Variants in SCN8A observed in about 807,000 individuals in gnomAD.
The protein encoded by SCN8A is sodium channel protein type 8 subunit alpha.
In SCN8A, 30 loss-of-function variants were observed where a neutral mutation model predicts 184.1. That is an observed-to-expected ratio of 0.16 (90% confidence interval 0.12 to 0.22). The LOEUF (loss-of-function observed/expected upper bound fraction) is 0.22. SCN8A is among the 10% of genes least tolerant of loss of function. The pLI, the probability that SCN8A is intolerant of heterozygous loss-of-function variation, is 1.00. For missense variants in SCN8A, 1,057 were observed against 2,498.9 expected (o/e 0.42, Z 12.30); for synonymous variants, 852 against 907.0 (o/e 0.94, Z 1.09).
intron 1 of SCN8A, among the ~76,000 whole-genome samples, chr12:51,626,303 G>A (rs1940076879): frequency 6.6e-6 from 1 of 152,124 alleles, no homozygotes; most frequent in African/African-American, 2.4e-5. Flanking sequence ...TTTGGCTCTC[G>A]GGAGGTTTAA....
intron 11 of SCN8A, among the ~76,000 whole-genome samples, chr12:51,711,642 T>G (rs1483238697): frequency 1.3e-5 from 2 of 152,150 alleles, no homozygotes; most frequent in South Asian, 4.1e-4. Flanking sequence ...TAACAATGAA[T>G]GTGGCTTCAG....
chr12:51,770,925 C>T (rs976812762), intron 19 of SCN8A, among the ~76,000 whole-genome samples: 1 of 152,212 alleles, frequency 6.6e-6, no homozygotes, highest in Admixed American at 6.5e-5. Flanking sequence ...GCCTGGTTTA[C>T]CCCATCCTTA....
intron 1 of SCN8A, among the ~76,000 whole-genome samples, chr12:51,649,483 C>A (rs1180245657): frequency 6.6e-6 from 1 of 152,238 alleles, no homozygotes; most frequent in African/African-American, 2.4e-5. Flanking sequence ...GGCATCCCGG[C>A]ATTTCCTTAC....
intron 1 of SCN8A, among the ~76,000 whole-genome samples, chr12:51,597,163 G>A (rs1939365952): frequency 6.6e-6 from 1 of 152,184 alleles, no homozygotes; most frequent in East Asian, 1.9e-4. Flanking sequence ...GGTACTTTTA[G>A]TTTGGTGCTG....
chr12:51,783,405 C>T (rs1937985077), intron 21 of SCN8A, among the ~76,000 whole-genome samples: 1 of 152,096 alleles, frequency 6.6e-6, no homozygotes, highest in African/African-American at 2.4e-5. Flanking sequence ...AAACTGAACA[C>T]CATCCATGCA....
At chr12:51,636,151 C>A (rs569321127) in intron 1 of SCN8A, among the ~76,000 whole-genome samples, 1 of 152,140 alleles carries the variant, frequency 6.6e-6, no homozygotes, top group Non-Finnish European at 1.5e-5. Flanking sequence ...CCCGCCACCA[C>A]GCCTGGCTAA....
chr12:51,648,148 T>C (rs1168780740), intron 1 of SCN8A, among the ~76,000 whole-genome samples: 1 of 152,182 alleles, frequency 6.6e-6, no homozygotes, highest in Non-Finnish European at 1.5e-5. Context: ...ATTTTTTTCA[T>C]AACCTTTAGA....
intron 13 of SCN8A, among the ~76,000 whole-genome samples, chr12:51,747,089 A>ATGTGTGTGTGTGTGTGTGTGTGTG (rs60490453): frequency 3.7e-5 from 3 of 81,242 alleles, no homozygotes; most frequent in African/African-American, 1.2e-4. Context: ...CTCTGTGTGT[A>ATGTGTGTGTGTGTGTGTGTGTGTG]TGTGTGTGTG....
In SCN8A at chr12:51,786,677, A is replaced by T. The variant is rs796053215; in HGVS notation, c.4078A>T (p.Thr1360Ser). ...AAAGTACCACTACTGCTTTAATGAG[A>T]CTTCTGAAATCCGATTTGAAATTGA... ...AGKYHYCFNE[T>S]SEIRFEIEDV... Residue 1360 changes from threonine (T) to serine (S), a missense_variant, in exon 22 of 27, where the codon ACT (threonine) becomes TCT (serine). Coordinates refer to ENST00000627620, the MANE Select transcript of SCN8A (RefSeq NM_001330260.2). The T allele has an allele frequency of 4.3e-6, 7 of 1,614,022 alleles. No homozygotes were observed. Among genetic ancestry groups the T allele is most frequent in the Non-Finnish European group, 5.9e-6 (7 of 1,179,902 alleles).
At chr12:51,784,237 C>G (rs1274409377) in intron 21 of SCN8A, among the ~76,000 whole-genome samples, 1 of 152,094 alleles carries the variant, frequency 6.6e-6, no homozygotes, top group Admixed American at 6.6e-5. Context: ...ATGTTCAAAG[C>G]AAGGAAGAAT....
intron 1 of SCN8A, among the ~76,000 whole-genome samples, chr12:51,625,534 T>C (rs1940059745): frequency 1.3e-5 from 2 of 152,194 alleles, no homozygotes; most frequent in African/African-American, 4.8e-5. Flanking sequence ...AATAACTAGG[T>C]TGTGATTGCT....
rs948038633 is a variant in SCN8A, at chr12:51,812,289, CTGTGTTCTG to C, written c.*4862_*4870del. ...CAGTGGTTCCAGAAAAGGGACAGAA[CTGTGTTCTG>C]TCCCTAGCTTGACCGCTGGCTCGCT... On this transcript the variant is annotated 3_prime_UTR_variant, in exon 27 of 27. Coordinates refer to ENST00000627620, the MANE Select transcript of SCN8A (RefSeq NM_001330260.2). 1.3e-5 allele frequency: 2 copies of C among 153,932 alleles called. No individual in the cohort carries two copies. Among genetic ancestry groups the C allele is most frequent in the African/African-American group, 4.8e-5 (2 of 41,370 alleles). The allele number at this position is 153,932 out of a possible 1,614,324, so 9.5% of individuals were successfully genotyped here. A position where few individuals can be genotyped will look rare whatever the true frequency, so the allele number is the denominator to read the frequency against.
At chr12:51,711,874 A>G (rs1941883357) in intron 11 of SCN8A, among the ~76,000 whole-genome samples, 1 of 152,186 alleles carries the variant, frequency 6.6e-6, no homozygotes, top group South Asian at 2.1e-4. Context: ...ACCCATTCAT[A>G]TAGTGGTTTG....
chr12:51,698,668 A>C (rs555695406), intron 6 of SCN8A, among the ~76,000 whole-genome samples: 1 of 152,262 alleles, frequency 6.6e-6, no homozygotes, highest in Non-Finnish European at 1.5e-5. Context: ...CTTACATTTA[A>C]ACTTTAAATT....
At chr12:51,646,182 G>A (rs1029927716) in intron 1 of SCN8A, among the ~76,000 whole-genome samples, 1 of 151,976 alleles carries the variant, frequency 6.6e-6, no homozygotes, top group Non-Finnish European at 1.5e-5. Context: ...GTCACTCTTG[G>A]GACAGGTAGA....
At chr12:51,688,827 G>A in intron 5 of SCN8A, 178 bp from the exon 6 acceptor site, 1 of 1,613,830 alleles carries the variant, frequency 6.2e-7, no homozygotes, top group South Asian at 1.1e-5. Flanking sequence ...TGAGGGCTTT[G>A]AAAACTATTT....
At chr12:51,649,333 G>A (rs2138648287) in intron 1 of SCN8A, among the ~76,000 whole-genome samples, 1 of 152,278 alleles carries the variant, frequency 6.6e-6, no homozygotes, top group Middle Eastern at 3.4e-3. Flanking sequence ...TCTGGAGGAC[G>A]GTGGCCCTCT....
intron 3 of SCN8A, among the ~76,000 whole-genome samples, chr12:51,685,673 T>G (rs1057218085): frequency 3.6e-4 from 55 of 152,184 alleles, no homozygotes; most frequent in African/African-American, 1.1e-3. Context: ...TTTCCCACAT[T>G]GGACATATTC....
intron 1 of SCN8A, among the ~76,000 whole-genome samples, chr12:51,655,195 C>T (rs748006356): frequency 1.3e-5 from 2 of 152,210 alleles, no homozygotes; most frequent in Non-Finnish European, 2.9e-5. Context: ...AAGGCATGAG[C>T]TACTGCACCT....
Sources: gnomAD v4.1 joint callset for allele counts (sites outside exome capture counted in the v4.1 genomes callset) on GRCh38, gnomAD v4.1.1 for gene constraint, MANE v1.5 for transcripts, NCBI Gene and HGNC (gene_info 2026-07-23, HGNC 2026-07-21) for gene names.